Variants in LHFPL3 observed in about 807,000 individuals in gnomAD.
The protein encoded by LHFPL3 is LHFPL tetraspan subfamily member 3.
Under a neutral mutation model 19.3 loss-of-function variants are expected in LHFPL3, and 5 were observed. The observed-to-expected ratio is 0.26, with a 90% CI of 0.14 to 0.54. LHFPL3 has a LOEUF of 0.54. Ranked by LOEUF, LHFPL3 falls within the 20% of genes least tolerant of loss-of-function variation. The pLI, the probability that LHFPL3 is intolerant of heterozygous loss-of-function variation, is 0.94. For missense variants in LHFPL3, 249 were observed against 307.4 expected (o/e 0.81, Z 1.42); for synonymous variants, 133 against 126.2 (o/e 1.05, Z -0.36).
intron 1 of LHFPL3, among the ~76,000 whole-genome samples, chr7:104,419,944 T>C (rs1024939917): frequency 3.3e-5 from 5 of 151,974 alleles, no homozygotes; most frequent in Admixed American, 3.3e-4. Flanking sequence ...ATCCTCAGTC[T>C]CCCAGAGTTA....
intron 1 of LHFPL3, among the ~76,000 whole-genome samples, chr7:104,358,857 C>A (rs771006260): frequency 2.6e-5 from 4 of 152,194 alleles, no homozygotes; most frequent in African/African-American, 4.8e-5. Context: ...ATTTGTGGAT[C>A]CTTTCCTCTG....
intron 1 of LHFPL3, chr7:104,667,781 G>A (rs2116020406): frequency 1.3e-6 from 2 of 1,598,542 alleles, no homozygotes; most frequent in Non-Finnish European, 1.7e-6. Context: ...AGAATAAGAA[G>A]GGGAAGACTA....
chr7:104,897,168 T>C (rs1479573037), intron 2 of LHFPL3, among the ~76,000 whole-genome samples: 1 of 152,204 alleles, frequency 6.6e-6, no homozygotes, highest in Admixed American at 6.5e-5. Flanking sequence ...AAATTCTATT[T>C]AGCAGTCTCT....
chr7:104,591,609 C>T (rs1013212791), intron 1 of LHFPL3, among the ~76,000 whole-genome samples: 5 of 152,102 alleles, frequency 3.3e-5, no homozygotes, highest in African/African-American at 9.7e-5. Flanking sequence ...TTGCTCTTCT[C>T]GAGGAGTATC....
chr7:104,851,982 A>G (rs1324780567), intron 2 of LHFPL3, among the ~76,000 whole-genome samples: 2 of 151,546 alleles, frequency 1.3e-5, no homozygotes, highest in Admixed American at 6.6e-5. Context: ...TTCCTTATCC[A>G]TTTACCCACA....
chr7:104,729,397 C>G (rs1029840899), intron 1 of LHFPL3, among the ~76,000 whole-genome samples: 8 of 152,132 alleles, frequency 5.3e-5, no homozygotes, highest in African/African-American at 1.9e-4. Context: ...TCTCTTCTAG[C>G]TATTTTGAAA....
chr7:104,396,401 C>T (rs111539178), intron 1 of LHFPL3, among the ~76,000 whole-genome samples: 26 of 152,138 alleles, frequency 1.7e-4, no homozygotes, highest in African/African-American at 5.1e-4. Flanking sequence ...TCCAGAGCAG[C>T]GGCTATGGTA....
intron 1 of LHFPL3, chr7:104,669,366 C>T: frequency 1.2e-6 from 2 of 1,613,264 alleles, no homozygotes; most frequent in Non-Finnish European, 1.7e-6. Flanking sequence ...AAACTGGGAA[C>T]TCTAGCCGTG....
intron 2 of LHFPL3, among the ~76,000 whole-genome samples, chr7:104,866,747 C>T (rs1233679467): frequency 1.3e-5 from 2 of 152,214 alleles, no homozygotes; most frequent in Non-Finnish European, 2.9e-5. Context: ...CTACAGAACT[C>T]TCCACCCCAA....
chr7:104,901,222 C>T (rs147187309), intron 2 of LHFPL3, among the ~76,000 whole-genome samples: 75 of 152,316 alleles, frequency 4.9e-4, no homozygotes, highest in Non-Finnish European at 8.8e-4. Context: ...AGGTGGAAAA[C>T]TCTTCATGTG....
chr7:104,506,229 G>A (rs1277100858), intron 1 of LHFPL3, among the ~76,000 whole-genome samples: 1 of 151,870 alleles, frequency 6.6e-6, no homozygotes, highest in African/African-American at 2.4e-5. Flanking sequence ...ATTTTATAAG[G>A]AAATCCCCGC....
intron 1 of LHFPL3, among the ~76,000 whole-genome samples, chr7:104,599,966 C>G (rs753495136): frequency 1.3e-5 from 2 of 152,192 alleles, no homozygotes; most frequent in Non-Finnish European, 1.5e-5. Context: ...AAGGACTTCC[C>G]TGGCCCTTCA....
At chr7:104,869,677 G>T (rs1584587658) in intron 2 of LHFPL3, among the ~76,000 whole-genome samples, 1 of 152,288 alleles carries the variant, frequency 6.6e-6, no homozygotes, top group Middle Eastern at 3.4e-3. Flanking sequence ...GTGGAAGTCA[G>T]TGTGGCGATT....
intron 1 of LHFPL3, among the ~76,000 whole-genome samples, chr7:104,682,880 C>T (rs1792734275): frequency 2.0e-5 from 3 of 152,212 alleles, no homozygotes; most frequent in Admixed American, 2.0e-4. Flanking sequence ...GCAATACATG[C>T]TTGCTGTAGA....
At chr7:104,540,300 G>A (rs1794461119) in intron 1 of LHFPL3, among the ~76,000 whole-genome samples, 1 of 152,112 alleles carries the variant, frequency 6.6e-6, no homozygotes, top group African/African-American at 2.4e-5. Flanking sequence ...GGTTGGTAGG[G>A]GGACAGAAAA....
At chr7:104,751,573 C>A (rs993386711) in intron 2 of LHFPL3, among the ~76,000 whole-genome samples, 3 of 151,376 alleles carry the variant, frequency 2.0e-5, no homozygotes, top group African/African-American at 7.3e-5. Context: ...CATCAATCCA[C>A]CAAGTCTTAA....
intron 1 of LHFPL3, among the ~76,000 whole-genome samples, chr7:104,640,644 G>T (rs1309233491): frequency 6.6e-6 from 1 of 152,108 alleles, no homozygotes; most frequent in Non-Finnish European, 1.5e-5. Flanking sequence ...CCCAATCCTT[G>T]CCAGCATCTG....
chr7:104,558,069 A>T lies in LHFPL3; in HGVS notation c.446-178606A>T, dbSNP rs1789887889. 3.3e-5 allele frequency among the ~76,000 whole-genome samples: 5 copies of T among 149,908 alleles called. No homozygotes were observed. In the South Asian group the frequency reaches 1.0e-3, roughly 31 times the overall value. ...TATATGTGCCACATTTTCTTAATCC[A>T]GTCTATCACTGTTGGACATTTGGGT... On this transcript the variant is annotated intron_variant, in intron 1 of 2. Transcript: ENST00000424859.
At chr7:104,374,595 GAC>G (rs1790674650) in intron 1 of LHFPL3, among the ~76,000 whole-genome samples, 1 of 152,218 alleles carries the variant, frequency 6.6e-6, no homozygotes, top group African/African-American at 2.4e-5. Context: ...ACGGGTGGGA[GAC>G]ACATGAAAAA....
Sources: allele counts gnomAD v4.1 joint callset (sites outside exome capture counted in the v4.1 genomes callset), GRCh38; gene constraint gnomAD v4.1.1; transcripts MANE v1.5; gene names NCBI Gene and HGNC (gene_info 2026-07-23, HGNC 2026-07-21).